KIT: variants seen among roughly 807,000 people sequenced by gnomAD.
KIT encodes the protein KIT proto-oncogene, receptor tyrosine kinase.
In KIT, 16 loss-of-function variants were observed where a neutral mutation model predicts 105.7. The ratio of observed to expected loss-of-function variants is 0.15; its 90% confidence interval spans 0.10 to 0.23. The LOEUF is 0.23. Ranked by LOEUF, KIT falls within the 10% of genes least tolerant of loss-of-function variation. The probability of loss-of-function intolerance (pLI) is 1.00; values close to 1 mark genes in which losing one functional copy is unlikely to be tolerated. For missense variants in KIT, 858 were observed against 1,213.8 expected, an observed-to-expected ratio of 0.71 and a Z score of 4.36; for synonymous variants, 438 against 441.1, an observed-to-expected ratio of 0.99 and a Z score of 0.09.
intron 7 of KIT, among the ~76,000 whole-genome samples, chr4:54,712,108 T>C (rs1226496171): frequency 7.9e-5 from 12 of 152,308 alleles, no homozygotes; most frequent in Admixed American, 3.3e-4. Flanking sequence ...TGGCTGCTCT[T>C]GTGTGATGCT....
Position 54,738,612 on chromosome 4 carries a change from A to G in KIT, c.*55A>G, listed in dbSNP as rs1723068901. 12 of 1,604,006 alleles carry G rather than the reference A, an allele frequency of 7.5e-6. No individual in the cohort carries two copies. The East Asian group carries it at 1.6e-4, about 21-fold the overall frequency. ...GGAATGATCTCTTCTTTTGGCTTCC[A>G]TGATGGTTATTTTCTTTTCTTTCAA... On this transcript the variant is annotated 3_prime_UTR_variant, in exon 21 of 21. Transcript: ENST00000288135.
At chr4:54,733,676 A>G (rs1370785581) in intron 17 of KIT, among the ~76,000 whole-genome samples, 2 of 152,186 alleles carry the variant, frequency 1.3e-5, no homozygotes, top group East Asian at 1.9e-4. Context: ...GAACATAGCA[A>G]ATGTTTTTCA....
chr4:54,738,356 A>C, intron 20 of KIT, 73 bp from the exon 21 acceptor site: 2 of 1,553,882 alleles, frequency 1.3e-6, no homozygotes, highest in Non-Finnish European at 1.8e-6. Flanking sequence ...TGATCTTGAC[A>C]CTGTAAGTAT....
chr4:54,737,359 A>C (rs1478866381), intron 20 of KIT, 79 bp downstream of exon 20: 1 of 946,350 alleles, frequency 1.1e-6, no homozygotes, highest in African/African-American at 1.6e-5. Context: ...TTTCAGGGTG[A>C]GGACTAACCT....
rs1560422319 is a variant in KIT at position 54,733,191 on chromosome 4, A to G, written c.2483A>G (p.Asn828Ser). ...KNDSNYVVKGNARLPVKWMAP... is the reference protein window; with the variant it reads ...KNDSNYVVKGSARLPVKWMAP... ...GATTCTAATTATGTGGTTAAAGGAAACGTGAGTACCCATTCTCTGCTTGAC... is the reference window on the plus strand; with the variant it reads ...GATTCTAATTATGTGGTTAAAGGAAGCGTGAGTACCCATTCTCTGCTTGAC... The change falls in exon 17 of 21, where the codon AAC becomes AGC. Residue 828 changes from asparagine to serine, a missense_variant and splice_region_variant. Transcript: ENST00000288135. The G allele has an allele frequency of 6.2e-7, 1 of 1,612,336 alleles. No homozygotes were observed. Among genetic ancestry groups the G allele is most frequent in the Non-Finnish European group, 8.5e-7 (1 of 1,178,878 alleles).
At chr4:54,713,133 G>T (rs1272889834) in intron 7 of KIT, among the ~76,000 whole-genome samples, 2 of 151,832 alleles carry the variant, frequency 1.3e-5, no homozygotes, top group African/African-American at 4.8e-5. Flanking sequence ...TATTTCAATA[G>T]TTTTTGGGGA....
chr4:54,738,658 A>AT lies in KIT; in HGVS notation c.*101_*102insT, dbSNP rs1369486607. On this transcript the variant is annotated 3_prime_UTR_variant, in exon 21 of 21. Coordinates refer to ENST00000288135, the MANE Select transcript of KIT (RefSeq NM_000222.3). The stretch of plus-strand genomic sequence containing the variant: ...TTCAACTTGCATCCAACTCCAGGAT[A>AT]GTGGGCACCCCACTGCAATCCTGTC... 4.2e-6 allele frequency: 6 copies of AT among 1,419,264 alleles called. No individual in the cohort carries two copies. The East Asian group carries it at 1.4e-4, about 32-fold the overall frequency. The allele number at this position is 1,419,264 out of a possible 1,614,324, so 87.9% of individuals were successfully genotyped here. A position where few individuals can be genotyped will look rare whatever the true frequency, so the allele number is the denominator to read the frequency against.
At chr4:54,722,378 A>G (rs1015526646) in intron 7 of KIT, among the ~76,000 whole-genome samples, 5 of 152,118 alleles carry the variant, frequency 3.3e-5, no homozygotes, top group Middle Eastern at 3.2e-3. Flanking sequence ...CAATATCCCT[A>G]TGAGAGGGGC....
rs1480105786 is a variant in KIT, at chr4:54,737,160, G to A, written c.2697-15G>A. ...GGGCATTGAGGAGGGATAGTAAATG[G>A]CCCTTGTCTTGCAGGTATGACATAA... is the stretch of plus-strand genomic sequence containing the variant. On this transcript the variant is annotated splice_polypyrimidine_tract_variant and intron_variant, in intron 19 of 20. Coordinates refer to ENST00000288135, the MANE Select transcript of KIT (RefSeq NM_000222.3). 7 of 1,547,510 alleles carry A rather than the reference G, an allele frequency of 4.5e-6. No individual in the cohort carries two copies. Among genetic ancestry groups the A allele is most frequent in the South Asian group, 3.3e-5 (3 of 89,764 alleles).
chr4:54,685,801 C>G (rs1377610017), intron 1 of KIT, among the ~76,000 whole-genome samples: 1 of 152,188 alleles, frequency 6.6e-6, no homozygotes, highest in Non-Finnish European at 1.5e-5. Flanking sequence ...AAGTGATAGA[C>G]CTTTCTCCTC....
chr4:54,664,945 A>G (rs1433092546), intron 1 of KIT, among the ~76,000 whole-genome samples: 1 of 150,948 alleles, frequency 6.6e-6, no homozygotes, highest in African/African-American at 2.4e-5. Context: ...TACCTTAATC[A>G]TCTTTAAATG....
At chr4:54,675,492 C>T (rs1186809643) in intron 1 of KIT, among the ~76,000 whole-genome samples, 1 of 152,174 alleles carries the variant, frequency 6.6e-6, no homozygotes, top group Non-Finnish European at 1.5e-5. Context: ...GCAAATTGAC[C>T]AGCAAGCGTT....
At chr4:54,716,163 G>A (rs936329286) in intron 7 of KIT, among the ~76,000 whole-genome samples, 1 of 152,114 alleles carries the variant, frequency 6.6e-6, no homozygotes, top group Non-Finnish European at 1.5e-5. Flanking sequence ...TCCCCATTAG[G>A]TGGATACTAT....
At chr4:54,717,925 A>G (rs1721606899) in intron 7 of KIT, among the ~76,000 whole-genome samples, 1 of 152,026 alleles carries the variant, frequency 6.6e-6, no homozygotes, top group African/African-American at 2.4e-5. Flanking sequence ...TGATACAGCA[A>G]TGGTGCTCCT....
chr4:54,693,932 C>G (rs976548056), intron 1 of KIT, among the ~76,000 whole-genome samples: 1 of 152,164 alleles, frequency 6.6e-6, no homozygotes, highest in African/African-American at 2.4e-5. Flanking sequence ...GAATTCCTTA[C>G]TGTAGGTTCT....
chr4:54,709,642 G>A (rs566036826), intron 7 of KIT, 103 bp downstream of exon 7: 10 of 768,028 alleles, frequency 1.3e-5, no homozygotes, highest in Admixed American at 2.0e-5. Context: ...TGTAAATAAC[G>A]TTTCATGATA....
rs933882369 is a variant in KIT, at chr4:54,739,204, A to G, written c.*647A>G. Reference sequence around the variant, plus strand: ...CTATTAGAGCATTGAATTGGAGAGAAGGCCTCCCTAGCCAGCACTTGTATA... The same window carrying G: ...CTATTAGAGCATTGAATTGGAGAGAGGGCCTCCCTAGCCAGCACTTGTATA... On this transcript the variant is annotated 3_prime_UTR_variant, in exon 21 of 21. Coordinates refer to ENST00000288135, the MANE Select transcript of KIT (RefSeq NM_000222.3). 7.1e-6 allele frequency: 2 copies of G among 281,610 alleles called. No homozygotes were observed. The highest frequency in any genetic ancestry group is 5.3e-5 in the East Asian group (1 of 18,950). 17.4% of individuals were successfully genotyped at this position (281,610 alleles called of 1,614,324 possible). A position where few individuals can be genotyped will look rare whatever the true frequency, so the allele number is the denominator to read the frequency against.
chr4:54,678,003 T>C (rs569426430), intron 1 of KIT, among the ~76,000 whole-genome samples: 1 of 152,348 alleles, frequency 6.6e-6, no homozygotes, highest in South Asian at 2.1e-4. Context: ...TGCACGTTGA[T>C]TGATGTGTGG....
chr4:54,720,679 G>T (rs1390452327), intron 7 of KIT, among the ~76,000 whole-genome samples: 2 of 152,046 alleles, frequency 1.3e-5, no homozygotes, highest in Non-Finnish European at 2.9e-5. Context: ...CCTTTCCTCC[G>T]CCTATTAAGT....
Sources: allele counts gnomAD v4.1 joint callset (sites outside exome capture counted in the v4.1 genomes callset), GRCh38; gene constraint gnomAD v4.1.1; transcripts MANE v1.5; gene names NCBI Gene and HGNC (gene_info 2026-07-23, HGNC 2026-07-21).